The following MMEL1 variants were observed in gnomAD, a reference collection of about 807,000 sequenced individuals.
The protein encoded by MMEL1 is membrane metalloendopeptidase like 1, also known as membrane metallo-endopeptidase-like 1.
MMEL1 carries 98 observed loss-of-function variants against 117.1 expected under a neutral mutation model. The ratio of observed to expected loss-of-function variants is 0.84; its 90% CI spans 0.71 to 0.99. MMEL1 has a LOEUF of 0.99. Ranked by LOEUF, MMEL1 falls within the 50% of genes least tolerant of loss-of-function variation. The pLI is 0.00. For missense variants in MMEL1, 1,014 were observed against 1,049.1 expected (o/e 0.97, Z 0.46); for synonymous variants, 390 against 415.1 (o/e 0.94, Z 0.74).
intron 6 of MMEL1, among the ~76,000 whole-genome samples, chr1:2,608,530 CATACACACAT>C (rs966464686): frequency 8.0e-6 from 1 of 124,834 alleles, no homozygotes; most frequent in African/African-American, 3.4e-5. Context: ...CACACATACA[CATACACACAT>C]ACACATACAC....
chr1:2,627,023 A>C (rs1160430555), intron 2 of MMEL1, among the ~76,000 whole-genome samples: 1 of 152,234 alleles, frequency 6.6e-6, no homozygotes, highest in Admixed American at 6.5e-5. Context: ...GGAGATGAAA[A>C]GTTTCAAAGA....
Position 2,591,640 on chromosome 1 carries a change from G to T in MMEL1, c.2164-7C>A. On this transcript the variant is annotated splice_polypyrimidine_tract_variant and splice_region_variant and intron_variant, in intron 22 of 23. Transcript: ENST00000378412. ...GGTAGGACCCGCACCACACCTGTGG[G>T]CATGTTGGGGGCGTGGCTACAGGTG... The T allele has an allele frequency of 1.2e-6, 2 of 1,610,440 alleles. No individual in the cohort carries two copies. The highest frequency in any genetic ancestry group is 1.1e-5 in the South Asian group (1 of 91,016).
At position 2,604,144 on chromosome 1, in the gene MMEL1, T is replaced by G; in HGVS notation, c.951+3A>C. On this transcript the variant is annotated splice_donor_region_variant and intron_variant, in intron 10 of 23. Coordinates refer to ENST00000378412, the MANE Select transcript of MMEL1 (RefSeq NM_033467.4). ...CGCTCCCCACCCGCCCCGGCCCCCTTACCTTGGCCAGCTGTGTCTCCAGCT... is the reference window on the plus strand; with the variant it reads ...CGCTCCCCACCCGCCCCGGCCCCCTGACCTTGGCCAGCTGTGTCTCCAGCT... The G allele has an allele frequency of 5.0e-6, 6 of 1,196,394 alleles. No homozygotes were observed. The highest frequency in any genetic ancestry group is 7.3e-6 in the Non-Finnish European group (6 of 817,988). 74.1% of individuals were successfully genotyped at this position (1,196,394 alleles called of 1,614,324 possible). A position where few individuals can be genotyped will look rare whatever the true frequency, so the allele number is the denominator to read the frequency against.
Position 2,595,685 on chromosome 1 carries a change from T to C in MMEL1, c.1500+324A>G, listed in dbSNP as rs1644824765. Reference sequence around the variant, plus strand: ...CACTTGGGTCCAGAGGAGCTTCTGGTGGGTCTGACCCTTGCTCCCGAGGCC... The same window carrying C: ...CACTTGGGTCCAGAGGAGCTTCTGGCGGGTCTGACCCTTGCTCCCGAGGCC... On this transcript the variant is annotated intron_variant, in intron 15 of 23. Transcript: ENST00000378412. This position sits in a 1 kb window ranked among gnomAD's most constrained non-coding sequence, Gnocchi z 4.8. 6.6e-6 allele frequency among the ~76,000 whole-genome samples: 1 copy of C among 152,062 alleles called. No individual in the cohort carries two copies. The highest frequency in any genetic ancestry group is 1.9e-4 in the East Asian group (1 of 5,166).
chr1:2,600,536 GAAAA>G (rs56126904), intron 11 of MMEL1, among the ~76,000 whole-genome samples: 4 of 150,596 alleles, frequency 2.7e-5, no homozygotes, highest in African/African-American at 4.9e-5. Flanking sequence ...CTGTTTCTGG[GAAAA>G]AAAAAAAAAT....
chr1:2,596,799 G>T, intron 13 of MMEL1, 110 bp from the exon 14 acceptor site: 1 of 1,348,812 alleles, frequency 7.4e-7, no homozygotes, highest in Non-Finnish European at 1.0e-6. Flanking sequence ...CAGCCTCAGG[G>T]TGCCCCGGGG....
intron 2 of MMEL1, among the ~76,000 whole-genome samples, chr1:2,619,091 A>G (rs1471859029): frequency 6.6e-6 from 1 of 152,206 alleles, no homozygotes; most frequent in Non-Finnish European, 1.5e-5. Context: ...CTGGGCCCTA[A>G]GAGGGCTTTC....
chr1:2,624,030 T>G (rs1318643699), intron 2 of MMEL1, among the ~76,000 whole-genome samples: 3 of 152,086 alleles, frequency 2.0e-5, no homozygotes, highest in South Asian at 4.1e-4. Flanking sequence ...AGGGCGAAGC[T>G]TGGTTGACAT....
intron 1 of MMEL1, among the ~76,000 whole-genome samples, chr1:2,631,731 G>A (rs898821018): frequency 6.6e-6 from 1 of 152,000 alleles, no homozygotes; most frequent in African/African-American, 2.4e-5. Flanking sequence ...CCCCTATCCC[G>A]CCACTGGCTG....
At position 2,592,030 on chromosome 1, in the gene MMEL1, G is replaced by C. The variant is rs371165324; in HGVS notation, c.2068-3C>G. ...TCTGCCATCCACTTGAGGTAGGCCT[G>C]CAGGCACCAGACAGGAGCTGAGCTC... is the stretch of plus-strand genomic sequence containing the variant. On this transcript the variant is annotated splice_polypyrimidine_tract_variant and splice_region_variant and intron_variant, in intron 21 of 23. Transcript: ENST00000378412. The C allele has an allele frequency of 1.9e-6, 3 of 1,612,066 alleles. No individual in the cohort carries two copies. Among genetic ancestry groups the C allele is most frequent in the Non-Finnish European group, 2.5e-6 (3 of 1,178,890 alleles).
In MMEL1 at chr1:2,598,193, G is replaced by A. The variant is rs765694349; in HGVS notation, c.1272+14C>T. On this transcript the variant is annotated intron_variant, in intron 13 of 23. Coordinates refer to ENST00000378412, the MANE Select transcript of MMEL1 (RefSeq NM_033467.4). ...TGAGTGCCCGGCCAGGCTCTGGGCA[G>A]GGAAGGGGCTCACCTTGCGGTAGTT... 6.2e-7 allele frequency: 1 copy of A among 1,612,436 alleles called. No individual in the cohort carries two copies. Among genetic ancestry groups the A allele is most frequent in the South Asian group, 1.1e-5 (1 of 91,042 alleles).
intron 2 of MMEL1, 79 bp downstream of exon 2, chr1:2,629,252 C>A: frequency 1.4e-6 from 2 of 1,416,266 alleles, no homozygotes; most frequent in Non-Finnish European, 1.9e-6. Flanking sequence ...TGGGGGCAGG[C>A]GGACCCTGCA....
chr1:2,627,656 A>C (rs1277186208), intron 2 of MMEL1, among the ~76,000 whole-genome samples: 15 of 152,202 alleles, frequency 9.9e-5, no homozygotes. Context: ...GTAACTAAAA[A>C]CTCATGTCTG....
intron 14 of MMEL1, 128 bp downstream of exon 14, chr1:2,596,433 C>T (rs945308574): frequency 7.4e-7 from 1 of 1,351,542 alleles, no homozygotes; most frequent in Non-Finnish European, 1.0e-6. Flanking sequence ...CTTCCCTTAG[C>T]CTCCCTCTGT....
intron 11 of MMEL1, among the ~76,000 whole-genome samples, chr1:2,601,468 T>G (rs1388510909): frequency 6.6e-6 from 1 of 152,164 alleles, no homozygotes; most frequent in Non-Finnish European, 1.5e-5. Context: ...CACAGTAGAT[T>G]GTAGACCTAA....
intron 11 of MMEL1, among the ~76,000 whole-genome samples, chr1:2,602,739 G>C (rs1015168745): frequency 1.3e-5 from 2 of 152,284 alleles, no homozygotes; most frequent in Non-Finnish European, 2.9e-5. Flanking sequence ...CTCTAGCCCC[G>C]GTGCTCATTA....
chr1:2,604,393 T>G, intron 9 of MMEL1, 112 bp from the exon 10 acceptor site: 2 of 1,424,246 alleles, frequency 1.4e-6, no homozygotes, highest in South Asian at 1.3e-5. Flanking sequence ...CTAATGCGTG[T>G]CCACCCACCT....
intron 11 of MMEL1, 31 bp from the exon 12 acceptor site, chr1:2,598,821 G>C: frequency 1.4e-6 from 2 of 1,424,498 alleles, no homozygotes; most frequent in Non-Finnish European, 1.9e-6. Flanking sequence ...GAGAAAGAGG[G>C]AGAGAGAGAG....
intron 23 of MMEL1, 114 bp downstream of exon 23, chr1:2,591,443 A>C: frequency 1.2e-6 from 1 of 869,562 alleles, no homozygotes; most frequent in South Asian, 1.4e-5. Context: ...GTTTATTCCC[A>C]AAATAAACCT....
Sources: gnomAD v4.1 joint callset for allele counts (sites outside exome capture counted in the v4.1 genomes callset) on GRCh38, gnomAD v4.1.1 for gene constraint, Gnocchi (gnomAD v3.1) non-coding constraint, MANE v1.5 for transcripts, NCBI Gene and HGNC (gene_info 2026-07-23, HGNC 2026-07-21) for gene names.